Variants in MIPOL1 observed in about 807,000 individuals in gnomAD.
MIPOL1 encodes the protein mirror-image polydactyly gene 1 protein.
In MIPOL1, 57 loss-of-function variants were observed where a neutral mutation model predicts 60.9. That is an observed-to-expected ratio of 0.94 (90% CI 0.76 to 1.17). MIPOL1 has a LOEUF of 1.17. Among genes scored for constraint, MIPOL1 ranks in the 50% most tolerant of loss-of-function variants. MIPOL1 has a pLI of 0.00. For missense variants in MIPOL1, 551 were observed against 511.6 expected (o/e 1.08, Z -0.74); for synonymous variants, 179 against 168.8 (o/e 1.06, Z -0.47).
chr14:37,299,879 G>C (rs994165614), intron 7 of MIPOL1, among the ~76,000 whole-genome samples: 4 of 151,878 alleles, frequency 2.6e-5, no homozygotes, highest in Non-Finnish European at 5.9e-5. Flanking sequence ...GCCTGTCCTG[G>C]GCTGTGACAT....
rs199895385 is a variant in MIPOL1 at position 37,349,975 on chromosome 14, A to AT, written c.829-19533dup. ...GATAAATTAGTTACATAGTTCTAAT[A>AT]TTTTTTTTTAAATCTGAATTATTAA... On this transcript the variant is annotated intron_variant, in intron 9 of 12. Coordinates refer to ENST00000684589, the MANE Select transcript of MIPOL1 (RefSeq NM_001388067.1). Among the ~76,000 whole-genome samples the AT allele has an allele frequency of 7.6e-3, 1,148 of 151,850 alleles. 19 individuals carry two copies. Among genetic ancestry groups the AT allele is most frequent in the African/African-American group, 0.026 (1,063 of 41,404 alleles).
chr14:37,318,287 A>G (rs1190848868), intron 9 of MIPOL1, among the ~76,000 whole-genome samples: 1 of 152,218 alleles, frequency 6.6e-6, no homozygotes, highest in East Asian at 1.9e-4. Flanking sequence ...CATAGTGTCT[A>G]GCATGTAATA....
At chr14:37,515,290 A>G (rs2095360778) in intron 12 of MIPOL1, among the ~76,000 whole-genome samples, 1 of 147,408 alleles carries the variant, frequency 6.8e-6, no homozygotes, top group African/African-American at 2.4e-5. Flanking sequence ...CCTAAATATA[A>G]TGAAAAAAAA....
At chr14:37,537,102 C>T (rs758735027) in intron 12 of MIPOL1, among the ~76,000 whole-genome samples, 1 of 152,114 alleles carries the variant, frequency 6.6e-6, no homozygotes, top group Non-Finnish European at 1.5e-5. Context: ...GATGAAAATT[C>T]TCAAATCTCA....
chr14:37,368,062 A>G (rs1043894028), intron 9 of MIPOL1, among the ~76,000 whole-genome samples: 2 of 152,126 alleles, frequency 1.3e-5, no homozygotes, highest in African/African-American at 4.8e-5. Context: ...GTTATCATAC[A>G]GCTGATGATG....
intron 11 of MIPOL1, among the ~76,000 whole-genome samples, chr14:37,457,495 C>G (rs1012059153): frequency 6.6e-6 from 1 of 152,156 alleles, no homozygotes; most frequent in Non-Finnish European, 1.5e-5. Context: ...ATCCTTTCCT[C>G]AGGATAATCT....
chr14:37,517,189 A>G (rs1374838146), intron 12 of MIPOL1, among the ~76,000 whole-genome samples: 1 of 152,192 alleles, frequency 6.6e-6, no homozygotes, highest in African/African-American at 2.4e-5. Context: ...ACATGGCTAT[A>G]AGGATCAAAT....
chr14:37,391,509 C>T (rs1480232458), intron 10 of MIPOL1, among the ~76,000 whole-genome samples: 4 of 151,314 alleles, frequency 2.6e-5, no homozygotes, highest in East Asian at 1.9e-4. Context: ...CATTCTCCTG[C>T]CTCAGCCTCC....
rs1391038414 is a variant in MIPOL1 at position 37,530,366 on chromosome 14, A to G, written c.1263-16539A>G. On this transcript the variant is annotated intron_variant, in intron 12 of 12. Coordinates refer to ENST00000684589, the MANE Select transcript of MIPOL1 (RefSeq NM_001388067.1). Reference sequence around the variant, plus strand: ...AGTTGAGTTTGAGAAAAGTACGGCCAGATGGCAGATATAAAACTCATCAAA... The same window carrying G: ...AGTTGAGTTTGAGAAAAGTACGGCCGGATGGCAGATATAAAACTCATCAAA... Among the ~76,000 whole-genome samples, 2 of 152,250 alleles carry G rather than the reference A, an allele frequency of 1.3e-5. 1 individual carries two copies. Among genetic ancestry groups the G allele is most frequent in the Non-Finnish European group, 2.9e-5 (2 of 68,046 alleles).
At chr14:37,309,891 G>C (rs1420286900) in intron 9 of MIPOL1, among the ~76,000 whole-genome samples, 3 of 151,928 alleles carry the variant, frequency 2.0e-5, no homozygotes, top group African/African-American at 7.3e-5. Context: ...GTTTTGCCAT[G>C]TTGGCCAGGC....
At chr14:37,251,881 G>T (rs562146119) in intron 3 of MIPOL1, among the ~76,000 whole-genome samples, 2 of 151,794 alleles carry the variant, frequency 1.3e-5, no homozygotes, top group Non-Finnish European at 2.9e-5. Context: ...TTGCAATTTT[G>T]TAGGTAAAAA....
intron 10 of MIPOL1, among the ~76,000 whole-genome samples, chr14:37,413,666 C>T (rs1476010740): frequency 6.6e-6 from 1 of 152,126 alleles, no homozygotes; most frequent in Non-Finnish European, 1.5e-5. Context: ...CTTTGGGAGA[C>T]ATTATTCTGC....
At chr14:37,429,037 T>C (rs2153557551) in intron 11 of MIPOL1, among the ~76,000 whole-genome samples, 1 of 152,328 alleles carries the variant, frequency 6.6e-6, no homozygotes, top group South Asian at 2.1e-4. Flanking sequence ...TCCTGATTGC[T>C]ATAGCAAATG....
chr14:37,263,056 G>A (rs1200118989), intron 3 of MIPOL1, among the ~76,000 whole-genome samples: 1 of 152,114 alleles, frequency 6.6e-6, no homozygotes, highest in Non-Finnish European at 1.5e-5. Flanking sequence ...ATCAATCTGA[G>A]TATAGTATAT....
rs1173537914 is a variant in MIPOL1, at chr14:37,547,846, G to A, written c.*875G>A. On this transcript the variant is annotated 3_prime_UTR_variant, in exon 13 of 13. Coordinates refer to ENST00000684589, the MANE Select transcript of MIPOL1 (RefSeq NM_001388067.1). Reference sequence around the variant, plus strand: ...ATTGCCATTTGATTTTTATTGTGGAGGAGGAGGATCTAATATATAATATTC... The same window carrying A: ...ATTGCCATTTGATTTTTATTGTGGAAGAGGAGGATCTAATATATAATATTC... The A allele has an allele frequency of 2.0e-5, 3 of 151,862 alleles. No homozygotes were observed. The highest frequency in any genetic ancestry group is 2.9e-5 in the Non-Finnish European group (2 of 67,902). The allele number at this position is 151,862 out of a possible 1,614,324, so 9.4% of individuals were successfully genotyped here.
chr14:37,257,330 A>G (rs1255519582), intron 3 of MIPOL1, among the ~76,000 whole-genome samples: 3 of 151,972 alleles, frequency 2.0e-5, no homozygotes, highest in Non-Finnish European at 4.4e-5. Context: ...CTTTGCACAA[A>G]TATACTTTTG....
chr14:37,501,084 T>C (rs2095209056), intron 12 of MIPOL1, among the ~76,000 whole-genome samples: 1 of 152,212 alleles, frequency 6.6e-6, no homozygotes, highest in Admixed American at 6.5e-5. Context: ...ATAGCCAAAG[T>C]TATGTAAGTC....
intron 11 of MIPOL1, among the ~76,000 whole-genome samples, chr14:37,463,015 A>G (rs2094557680): frequency 6.6e-6 from 1 of 152,166 alleles, no homozygotes; most frequent in Non-Finnish European, 1.5e-5. Context: ...ACTGGTACCA[A>G]ATTACTGTAT....
At chr14:37,336,390 ATAT>A (rs1382930293) in intron 9 of MIPOL1, among the ~76,000 whole-genome samples, 1 of 148,814 alleles carries the variant, frequency 6.7e-6, no homozygotes, top group Non-Finnish European at 1.5e-5. Flanking sequence ...AATTATTATT[ATAT>A]TATTATTATT....
Sources: gnomAD v4.1 joint callset for allele counts (sites outside exome capture counted in the v4.1 genomes callset) on GRCh38, gnomAD v4.1.1 for gene constraint, MANE v1.5 for transcripts, NCBI Gene and HGNC (gene_info 2026-07-23, HGNC 2026-07-21) for gene names.